Variants in MYO19 observed in about 807,000 individuals in gnomAD.
The protein encoded by MYO19 is unconventional myosin-XIX.
A neutral mutation model predicts 129.2 loss-of-function variants in MYO19; 132 were observed. That is an observed-to-expected ratio of 1.02 (90% confidence interval 0.89 to 1.18). The LOEUF is 1.18. Ranked by LOEUF, MYO19 falls within the 50% of genes most tolerant of loss-of-function variation. MYO19 has a pLI of 0.00. For missense variants in MYO19, 1,210 were observed against 1,216.7 expected (o/e 0.99, Z 0.08); for synonymous variants, 531 against 477.2 (o/e 1.11, Z -1.47).
chr17:36,506,204 G>A (rs1403678583), intron 18 of MYO19, among the ~76,000 whole-genome samples: 2 of 152,146 alleles, frequency 1.3e-5, no homozygotes, highest in East Asian at 3.9e-4. Flanking sequence ...GAGCACCCCA[G>A]TGGCAGGGGG....
chr17:36,530,169 G>A (rs1010256400), intron 3 of MYO19, among the ~76,000 whole-genome samples: 1 of 152,138 alleles, frequency 6.6e-6, no homozygotes, highest in Non-Finnish European at 1.5e-5. Flanking sequence ...AAAATTAGCT[G>A]GGCATTATGG....
At chr17:36,519,948 T>A (rs898839758) in intron 6 of MYO19, among the ~76,000 whole-genome samples, 1 of 152,272 alleles carries the variant, frequency 6.6e-6, no homozygotes, top group East Asian at 1.9e-4. Context: ...GTCATTCTTA[T>A]CTTTGTTCAT....
At chr17:36,497,589 CTT>C (rs746721426) in intron 25 of MYO19, 924 of 808,514 alleles carry the variant, frequency 1.1e-3, no homozygotes, top group Non-Finnish European at 1.3e-3. Flanking sequence ...CTAAACCAAA[CTT>C]TTTTTTTTTT....
chr17:36,513,841 G>T, intron 9 of MYO19, 116 bp from the exon 10 acceptor site: 1 of 882,608 alleles, frequency 1.1e-6, no homozygotes. Flanking sequence ...ACAAGGCTCA[G>T]AGGTCCCTTC....
At chr17:36,520,905 A>G (rs1251644864) in intron 6 of MYO19, among the ~76,000 whole-genome samples, 2 of 152,226 alleles carry the variant, frequency 1.3e-5, no homozygotes, top group Admixed American at 6.5e-5. Flanking sequence ...GCATTGTTCA[A>G]TGGCAGACCA....
chr17:36,515,275 G>A (rs2306594), intron 7 of MYO19, 93 bp from the exon 8 acceptor site: 49,284 of 1,165,440 alleles, frequency 0.042, 1,684 homozygotes, highest in African/African-American at 0.16. Context: ...TCATGTTCCC[G>A]TGCTCAAGTC....
chr17:36,524,858 C>G (rs1419471355), intron 6 of MYO19, among the ~76,000 whole-genome samples: 1 of 152,218 alleles, frequency 6.6e-6, no homozygotes, highest in Non-Finnish European at 1.5e-5. Context: ...GAGAGCTTTG[C>G]AGAAGCTACG....
At chr17:36,538,216 C>T, upstream of MYO19, 4 of 1,613,052 alleles carry the variant, frequency 2.5e-6, no homozygotes, top group Non-Finnish European at 1.7e-6. Context: ...GCAAATTTAG[C>T]CTTTTGTATT....
At chr17:36,521,201 G>C (rs1394532199) in intron 6 of MYO19, among the ~76,000 whole-genome samples, 1 of 152,174 alleles carries the variant, frequency 6.6e-6, no homozygotes, top group Non-Finnish European at 1.5e-5. Flanking sequence ...GCTACTTACA[G>C]TGAGGCCCCA....
chr17:36,513,161 G>A (rs1332364927), intron 11 of MYO19: 25 of 1,409,728 alleles, frequency 1.8e-5, no homozygotes, highest in East Asian at 5.1e-5. Flanking sequence ...TGATCATGCG[G>A]TACCTTGCTC....
At chr17:36,543,711 G>A (rs1288316935), upstream of MYO19, among the ~76,000 whole-genome samples, 1 of 152,048 alleles carries the variant, frequency 6.6e-6, no homozygotes, top group Non-Finnish European at 1.5e-5. Flanking sequence ...TGCAACCTCC[G>A]CCTCCCGGGT....
Position 36,506,603 on chromosome 17 carries a change from A to G in MYO19, c.1650T>C (p.Pro550=). Residue 550 remains proline, a synonymous_variant, in exon 18 of 26, where the codon CCT becomes CCC. Coordinates refer to ENST00000614623, the MANE Select transcript of MYO19 (RefSeq NM_001163735.2). ...TAGLVEKNKD[P]IPPELTRLLQ... is the part of the protein sequence containing the mutation. The stretch of plus-strand genomic sequence containing the variant: ...GGAGCCTGGTCAGCTCAGGTGGGAT[A>G]GGGTCCTATTGGGAAATGGCAAGAG... The G allele has an allele frequency of 6.5e-7, 1 of 1,531,872 alleles. No individual in the cohort carries two copies. The highest frequency in any genetic ancestry group is 8.7e-7 in the Non-Finnish European group (1 of 1,144,868). The allele number at this position is 1,531,872 out of a possible 1,614,324, so 94.9% of individuals were successfully genotyped here. A position where few individuals can be genotyped will look rare whatever the true frequency, so the allele number is the denominator to read the frequency against.
In MYO19 at chr17:36,496,146, G is replaced by A; in HGVS notation, c.*105C>T. The A allele has an allele frequency of 1.4e-6, 2 of 1,437,998 alleles. No homozygotes were observed. The highest frequency in any genetic ancestry group is 1.9e-6 in the Non-Finnish European group (2 of 1,042,716). The allele number at this position is 1,437,998 out of a possible 1,614,324, so 89.1% of individuals were successfully genotyped here. A position where few individuals can be genotyped will look rare whatever the true frequency, so the allele number is the denominator to read the frequency against. Reference sequence around the variant, plus strand: ...CTGGAGCCGTCACTGTTGTTCATGTGCATTTGGAGCACTGTGGGAATAGTC... The same window carrying A: ...CTGGAGCCGTCACTGTTGTTCATGTACATTTGGAGCACTGTGGGAATAGTC... On this transcript the variant is annotated 3_prime_UTR_variant, in exon 26 of 26. Coordinates refer to ENST00000614623, the MANE Select transcript of MYO19 (RefSeq NM_001163735.2).
rs1196673794 is a variant in MYO19, at chr17:36,514,461, G to C, written c.705C>G (p.Phe235Leu). ...VACQASSERNFHIFYQICKGA... is the reference protein window; with the variant it reads ...VACQASSERNLHIFYQICKGA... ...TGGCACAAACCTGATAGAAGATGTG[G>C]AAGTTCCTCTCACTGGAAGCCTGGC... The change falls in exon 9 of 26, where the codon TTC becomes TTG. Residue 235 changes from phenylalanine to leucine, a missense_variant. Physicochemically the swap from Phe to Leu is conservative, Grantham distance 22 (BLOSUM62 0). Coordinates refer to ENST00000614623, the MANE Select transcript of MYO19 (RefSeq NM_001163735.2). 6.2e-7 allele frequency: 1 copy of C among 1,611,976 alleles called. No homozygotes were observed. Among genetic ancestry groups the C allele is most frequent in the East Asian group, 2.2e-5 (1 of 44,870 alleles).
intron 24 of MYO19, 132 bp downstream of exon 24, chr17:36,498,943 G>T: frequency 1.5e-6 from 1 of 680,788 alleles, no homozygotes; most frequent in Non-Finnish European, 2.6e-6. Context: ...TGAGGAATAT[G>T]AGGCTCAGAG....
Position 36,515,056 on chromosome 17 carries a change from C to T in MYO19, c.617+57G>A, listed in dbSNP as rs1186464281. On this transcript the variant is annotated intron_variant, in intron 8 of 25. Coordinates refer to ENST00000614623, the MANE Select transcript of MYO19 (RefSeq NM_001163735.2). ...GGCCCAGGCCAGATACTGCCCCAGC[C>T]ACTTTCAACCTCCCCAGTCCCATCC... 64 of 1,521,742 alleles carry T rather than the reference C, an allele frequency of 4.2e-5. No homozygotes were observed. The South Asian group carries it at 6.8e-4, about 16-fold the overall frequency. The allele number at this position is 1,521,742 out of a possible 1,614,324, so 94.3% of individuals were successfully genotyped here.
At chr17:36,535,570 T>G (rs1042658337), upstream of MYO19, 1 of 152,224 alleles carries the variant, frequency 6.6e-6, no homozygotes, top group Non-Finnish European at 1.5e-5. Flanking sequence ...GACCGTCTGC[T>G]GGGGGCGCCG....
chr17:36,522,159 A>G (rs2073175775), intron 6 of MYO19, among the ~76,000 whole-genome samples: 1 of 152,196 alleles, frequency 6.6e-6, no homozygotes. Flanking sequence ...GGCAGAATAG[A>G]CATTTTCAGA....
At chr17:36,499,664 C>CTTTTTTCTTTT (rs2071346235) in intron 23 of MYO19, 17 of 62,638 alleles carry the variant, frequency 2.7e-4, no homozygotes, top group African/African-American at 5.4e-4. Context: ...CTTTTTGTTT[C>CTTTTTTCTTTT]TTTTTTTTTT....
Sources: gnomAD v4.1 joint callset for allele counts (sites outside exome capture counted in the v4.1 genomes callset) on GRCh38, gnomAD v4.1.1 for gene constraint, MANE v1.5 for transcripts, NCBI Gene and HGNC (gene_info 2026-07-23, HGNC 2026-07-21) for gene names.